The following ZNF395 variants were observed in gnomAD, a reference collection of about 807,000 sequenced individuals.
The protein encoded by ZNF395 is zinc finger protein 395, also known as HD gene regulatory region-binding protein 2.
A neutral mutation model predicts 57.7 loss-of-function variants in ZNF395; 20 were observed. That is an observed-to-expected ratio of 0.35 (90% CI 0.24 to 0.50). The LOEUF is 0.50. Ranked by LOEUF, ZNF395 falls within the 20% of genes least tolerant of loss-of-function variation. The pLI is 0.97. For synonymous variants in ZNF395, 295 were observed against 275.9 expected, an observed-to-expected ratio of 1.07 and a Z score of -0.69; for missense variants, 606 against 671.2, an observed-to-expected ratio of 0.90 and a Z score of 1.07.
intron 1 of ZNF395, among the ~76,000 whole-genome samples, chr8:28,377,322 C>T (rs1307711354): frequency 1.3e-5 from 2 of 152,126 alleles, no homozygotes; most frequent in Non-Finnish European, 2.9e-5. Context: ...GAGGATGCCT[C>T]GAGCCCAGTG....
rs1802100179 is a variant in ZNF395, at chr8:28,380,869, A to G, written c.-59+5524T>C. ...AAAAGCAGTATACTTTTTCTTTGAG[A>G]CAGGGTCTCACTGTTGCCCAGGCTG... is the stretch of plus-strand genomic sequence containing the variant. On this transcript the variant is annotated intron_variant, in intron 1 of 9. Transcript: ENST00000344423. Among the ~76,000 whole-genome samples, 3 of 152,292 alleles carry G rather than the reference A, an allele frequency of 2.0e-5. No homozygotes were observed. In the South Asian group the frequency reaches 6.2e-4, roughly 32 times the overall value.
chr8:28,378,003 C>T (rs532074983), intron 1 of ZNF395, among the ~76,000 whole-genome samples: 4 of 152,072 alleles, frequency 2.6e-5, no homozygotes, highest in Non-Finnish European at 4.4e-5. Context: ...AGCAATCCAC[C>T]CGCCTCGGCC....
intron 1 of ZNF395, among the ~76,000 whole-genome samples, chr8:28,362,841 T>G (rs1801866582): frequency 6.6e-6 from 1 of 152,264 alleles, no homozygotes; most frequent in South Asian, 2.1e-4. Context: ...GGCAAAATGC[T>G]GGTTTTCATG....
chr8:28,349,956 C>T (rs1314389628), intron 8 of ZNF395, 108 bp downstream of exon 8: 4 of 1,000,496 alleles, frequency 4.0e-6, no homozygotes, highest in African/African-American at 1.7e-5. Context: ...GATGGCCACA[C>T]CGACCTGTGG....
intron 1 of ZNF395, among the ~76,000 whole-genome samples, chr8:28,361,866 T>C (rs1245964449): frequency 6.6e-6 from 1 of 152,044 alleles, no homozygotes; most frequent in African/African-American, 2.4e-5. Flanking sequence ...CTGAGATAGA[T>C]GGATCACTTG....
chr8:28,357,606 A>G (rs1801796330), intron 3 of ZNF395, among the ~76,000 whole-genome samples: 1 of 152,242 alleles, frequency 6.6e-6, no homozygotes. Context: ...CCAAAATATG[A>G]CTTGGGTTTG....
chr8:28,385,652 CGGGAGGGCCGGGCGG>C (rs1802168392), intron 1 of ZNF395, among the ~76,000 whole-genome samples: 1 of 147,988 alleles, frequency 6.8e-6, no homozygotes, highest in African/African-American at 2.5e-5. Context: ...GGGCCGGGCG[CGGGAGGGCCGGGCGG>C]GCGGCCCCGC....
At chr8:28,358,652 G>A (rs1449567378) in intron 3 of ZNF395, among the ~76,000 whole-genome samples, 1 of 152,114 alleles carries the variant, frequency 6.6e-6, no homozygotes, top group East Asian at 1.9e-4. Flanking sequence ...GCCCAGGCTG[G>A]TCTCAAACTC....
At chr8:28,380,153 GT>G (rs562616691) in intron 1 of ZNF395, among the ~76,000 whole-genome samples, 157 of 151,544 alleles carry the variant, frequency 1.0e-3, no homozygotes, top group African/African-American at 3.2e-3. Flanking sequence ...TTTTACTAGA[GT>G]TTAAAAAAAA....
chr8:28,351,868 G>C lies in ZNF395; in HGVS notation c.921-61C>G, dbSNP rs1165559346. ...CCCTGCCCCCTTCAAACCCAGCGGG[G>C]ACCGCGGTAGGGAGGGAAGTGATTG... is the stretch of plus-strand genomic sequence containing the variant. On this transcript the variant is annotated intron_variant, in intron 6 of 9. Coordinates refer to ENST00000344423, the MANE Select transcript of ZNF395 (RefSeq NM_018660.3). 3 of 1,494,142 alleles carry C rather than the reference G, an allele frequency of 2.0e-6. No individual in the cohort carries two copies. In the African/African-American group the frequency reaches 4.2e-5, roughly 21 times the overall value. The allele number at this position is 1,494,142 out of a possible 1,614,324, so 92.6% of individuals were successfully genotyped here. A position where few individuals can be genotyped will look rare whatever the true frequency, so the allele number is the denominator to read the frequency against.
intron 1 of ZNF395, among the ~76,000 whole-genome samples, chr8:28,373,515 A>G (rs1437529919): frequency 6.6e-6 from 1 of 152,168 alleles, no homozygotes; most frequent in Non-Finnish European, 1.5e-5. Flanking sequence ...TTTAAGCCAC[A>G]CTGGATTACA....
intron 1 of ZNF395, among the ~76,000 whole-genome samples, chr8:28,372,989 G>C (rs1801995089): frequency 6.6e-6 from 1 of 152,130 alleles, no homozygotes; most frequent in African/African-American, 2.4e-5. Context: ...TGACAGAAAA[G>C]GGAGGCCCCA....
chr8:28,360,761 T>C (rs1801837847), intron 2 of ZNF395, 124 bp downstream of exon 2: 1 of 1,374,598 alleles, frequency 7.3e-7, no homozygotes, highest in South Asian at 1.4e-5. Flanking sequence ...GCCCTGTGGC[T>C]GGAGGGCAAA....
rs1319824229 is a variant in ZNF395, at chr8:28,353,300, G to A, written c.692C>T (p.Ser231Leu). 3.9e-6 allele frequency: 4 copies of A among 1,026,880 alleles called. No homozygotes were observed. Among genetic ancestry groups the A allele is most frequent in the Non-Finnish European group, 5.9e-6 (4 of 677,298 alleles). 63.6% of individuals were successfully genotyped at this position (1,026,880 alleles called of 1,614,324 possible). ...WSGSSGVSTP[S>L]PPHPQASPKY... ...GGGGCTGGCCTGGGGGTGGGGGGGC[G>A]AGGGGGTGGAGACACCACTGCTCCC... The change falls in exon 5 of 10, where the codon TCG (serine) becomes TTG (leucine). Residue 231 changes from serine to leucine, a missense_variant. Coordinates refer to ENST00000344423, the MANE Select transcript of ZNF395 (RefSeq NM_018660.3).
At chr8:28,353,124 G>T in intron 5 of ZNF395, 49 bp downstream of exon 5, 2 of 1,581,740 alleles carry the variant, frequency 1.3e-6, no homozygotes, top group Non-Finnish European at 8.7e-7. Flanking sequence ...TCCCCACACA[G>T]ACATCATCCG....
chr8:28,367,404 G>C (rs1403512023), intron 1 of ZNF395, among the ~76,000 whole-genome samples: 1 of 152,072 alleles, frequency 6.6e-6, no homozygotes, highest in Non-Finnish European at 1.5e-5. Context: ...CCAGCAGATG[G>C]GCCATAAAAA....
At chr8:28,351,174 G>A (rs1477277948) in intron 7 of ZNF395, among the ~76,000 whole-genome samples, 3 of 152,140 alleles carry the variant, frequency 2.0e-5, no homozygotes, top group Admixed American at 6.5e-5. Context: ...TAGACGTCAC[G>A]TGGGAAGCCC....
chr8:28,363,851 G>A (rs1801879134), intron 1 of ZNF395, among the ~76,000 whole-genome samples: 1 of 151,978 alleles, frequency 6.6e-6, no homozygotes, highest in Non-Finnish European at 1.5e-5. Context: ...TGCCTATTTT[G>A]TTTGTGCCTG....
rs148351948 is a variant in ZNF395 at position 28,367,064 on chromosome 8, T to C, written c.-58-5882A>G. On this transcript the variant is annotated intron_variant, in intron 1 of 9. Coordinates refer to ENST00000344423, the MANE Select transcript of ZNF395 (RefSeq NM_018660.3). ...CACATGGCACTGAGCATATTGGTGA[T>C]TGATTCAAGTTCTCAATCAGCTGGT... Among the ~76,000 whole-genome samples the C allele has an allele frequency of 7.7e-4, 118 of 152,272 alleles. 2 individuals carry two copies. The highest frequency in any genetic ancestry group is 1.2e-3 in the Non-Finnish European group (80 of 68,030).
Sources: allele counts gnomAD v4.1 joint callset (sites outside exome capture counted in the v4.1 genomes callset), GRCh38; gene constraint gnomAD v4.1.1; transcripts MANE v1.5; gene names NCBI Gene and HGNC (gene_info 2026-07-23, HGNC 2026-07-21).